Variants in FSTL5 observed in about 807,000 individuals in gnomAD.
The protein encoded by FSTL5 is follistatin-related protein 5.
FSTL5 carries 62 observed loss-of-function variants against 89.1 expected under a neutral mutation model. The ratio of observed to expected loss-of-function variants is 0.70; its 90% confidence interval spans 0.57 to 0.86. FSTL5 has a LOEUF of 0.86. Ranked by LOEUF, FSTL5 falls within the 40% of genes least tolerant of loss-of-function variation. The probability of loss-of-function intolerance (pLI) is 0.00; values close to 1 mark genes in which losing one functional copy is unlikely to be tolerated. For missense variants in FSTL5, 1,057 were observed against 1,001.6 expected (o/e 1.06, Z -0.75); for synonymous variants, 383 against 346.2 (o/e 1.11, Z -1.18).
At chr4:161,494,499 G>T (rs62324270) in intron 12 of FSTL5, among the ~76,000 whole-genome samples, 26,925 of 152,152 alleles carry the variant, frequency 0.18, 2,653 homozygotes, top group East Asian at 0.37. Context: ...AGCAGAGAAA[G>T]AAATGTGGAC....
At chr4:162,003,961 G>A (rs1241418056) in intron 3 of FSTL5, among the ~76,000 whole-genome samples, 1 of 152,118 alleles carries the variant, frequency 6.6e-6, no homozygotes, top group Non-Finnish European at 1.5e-5. Context: ...CATCTGGGTA[G>A]CAGAATCAAG....
At chr4:161,816,154 C>T (rs1730320523) in intron 4 of FSTL5, among the ~76,000 whole-genome samples, 1 of 152,040 alleles carries the variant, frequency 6.6e-6, no homozygotes. Flanking sequence ...GACTCTGGAC[C>T]CTGGCAAATA....
Position 161,970,930 on chromosome 4 carries a change from G to A in FSTL5, c.161-50278C>T, listed in dbSNP as rs938102997. 4.6e-5 allele frequency among the ~76,000 whole-genome samples: 7 copies of A among 152,010 alleles called. 1 individual carries two copies. In the East Asian group the frequency reaches 1.2e-3, roughly 25 times the overall value. On this transcript the variant is annotated intron_variant, in intron 3 of 15. Transcript: ENST00000306100. The stretch of plus-strand genomic sequence containing the variant: ...TGAAGAAATTAAGAGTTCATACCTG[G>A]TATGTATTCTATTTCATTTGTGTAC...
chr4:161,673,818 T>C (rs1400140215), intron 6 of FSTL5, among the ~76,000 whole-genome samples: 4 of 151,978 alleles, frequency 2.6e-5, no homozygotes, highest in Non-Finnish European at 5.9e-5. Flanking sequence ...TCATATTAAA[T>C]TATTAGTAAT....
chr4:162,065,290 C>T (rs190827674), intron 2 of FSTL5, among the ~76,000 whole-genome samples: 4 of 151,926 alleles, frequency 2.6e-5, no homozygotes, highest in Admixed American at 1.3e-4. Context: ...AAAATATGTA[C>T]AAACCATATA....
At chr4:161,618,185 CTT>C (rs1419913871) in intron 7 of FSTL5, among the ~76,000 whole-genome samples, 6 of 139,672 alleles carry the variant, frequency 4.3e-5, no homozygotes, top group Admixed American at 7.5e-5. Flanking sequence ...TATCCTGAGA[CTT>C]TGCTGAAGTT....
chr4:161,685,805 G>C (rs1386863922), intron 6 of FSTL5, among the ~76,000 whole-genome samples: 1 of 152,114 alleles, frequency 6.6e-6, no homozygotes, highest in Non-Finnish European at 1.5e-5. Flanking sequence ...TATTGAAGAG[G>C]AGTGGTGAGA....
intron 13 of FSTL5, among the ~76,000 whole-genome samples, chr4:161,465,249 C>A: frequency 6.6e-6 from 1 of 151,902 alleles, no homozygotes. Context: ...AACTAGTCAC[C>A]TGTAAGTTCT....
intron 4 of FSTL5, among the ~76,000 whole-genome samples, chr4:161,867,566 G>A (rs1732132627): frequency 6.6e-6 from 1 of 151,586 alleles, no homozygotes; most frequent in South Asian, 2.1e-4. Context: ...AAAAATAAGT[G>A]TGTTAATTTT....
intron 7 of FSTL5, among the ~76,000 whole-genome samples, chr4:161,628,124 C>G (rs944013753): frequency 6.6e-6 from 1 of 152,126 alleles, no homozygotes; most frequent in Non-Finnish European, 1.5e-5. Flanking sequence ...GGGAAAGATG[C>G]CCCTTTCCAT....
chr4:161,634,303 T>A (rs1408280079), intron 7 of FSTL5, among the ~76,000 whole-genome samples: 1 of 152,200 alleles, frequency 6.6e-6, no homozygotes, highest in East Asian at 1.9e-4. Flanking sequence ...TTAGAGCTGT[T>A]GACTTTAAGG....
intron 3 of FSTL5, among the ~76,000 whole-genome samples, chr4:161,972,409 A>G (rs1484529008): frequency 1.3e-5 from 2 of 152,170 alleles, no homozygotes; most frequent in Non-Finnish European, 2.9e-5. Flanking sequence ...TAGAAAAGGT[A>G]ATAGGACACC....
intron 2 of FSTL5, among the ~76,000 whole-genome samples, chr4:162,096,769 TCTC>T (rs1730769288): frequency 1.3e-5 from 2 of 151,906 alleles, no homozygotes; most frequent in South Asian, 4.1e-4. Flanking sequence ...TTCACATACA[TCTC>T]CTATATAACT....
intron 3 of FSTL5, among the ~76,000 whole-genome samples, chr4:162,015,916 A>T (rs1736903914): frequency 6.6e-6 from 1 of 152,166 alleles, no homozygotes; most frequent in South Asian, 2.1e-4. Flanking sequence ...ACAAATTAAG[A>T]CTTGGCAAGG....
chr4:161,958,375 G>A (rs1735081312), intron 3 of FSTL5, among the ~76,000 whole-genome samples: 3 of 151,904 alleles, frequency 2.0e-5, no homozygotes, highest in Non-Finnish European at 4.4e-5. Flanking sequence ...TTCTTTCCAT[G>A]TCTGCTGAAT....
At chr4:162,103,946 C>A (rs1243657405) in intron 2 of FSTL5, among the ~76,000 whole-genome samples, 2 of 152,204 alleles carry the variant, frequency 1.3e-5, no homozygotes, top group Non-Finnish European at 2.9e-5. Context: ...TTAGAGCTGG[C>A]AAGGGCAACC....
chr4:161,698,232 C>T (rs558507199), intron 6 of FSTL5, among the ~76,000 whole-genome samples: 50 of 152,156 alleles, frequency 3.3e-4, no homozygotes, highest in East Asian at 1.2e-3. Context: ...GCTGGCACCT[C>T]GATCTAGGAC....
chr4:161,899,441 A>G (rs1733279712), intron 4 of FSTL5, among the ~76,000 whole-genome samples: 1 of 152,178 alleles, frequency 6.6e-6, no homozygotes, highest in African/African-American at 2.4e-5. Context: ...ATTGGACTTC[A>G]TGTCACCTAG....
intron 8 of FSTL5, among the ~76,000 whole-genome samples, chr4:161,546,396 C>A (rs1420459304): frequency 6.6e-6 from 1 of 150,636 alleles, no homozygotes; most frequent in Non-Finnish European, 1.5e-5. Context: ...ATCAGTGATT[C>A]CAAAAGCCTA....
Sources: allele counts gnomAD v4.1 joint callset (sites outside exome capture counted in the v4.1 genomes callset), GRCh38; gene constraint gnomAD v4.1.1; transcripts MANE v1.5; gene names NCBI Gene and HGNC (gene_info 2026-07-23, HGNC 2026-07-21).